Variants in MORF4L2 observed in about 807,000 individuals in gnomAD.
The protein encoded by MORF4L2 is mortality factor 4 like 2.
MORF4L2 carries 1 observed loss-of-function variant against 12.0 expected under a neutral mutation model. That is an observed-to-expected ratio of 0.08 (90% CI 0.03 to 0.40). MORF4L2 has a LOEUF of 0.40. MORF4L2 is among the 10% of genes least tolerant of loss of function. The pLI is 0.98. For missense variants in MORF4L2, 123 were observed against 214.0 expected, an observed-to-expected ratio of 0.57 and a Z score of 2.65; for synonymous variants, 69 against 81.6, an observed-to-expected ratio of 0.85 and a Z score of 0.83.
upstream of MORF4L2, chrX:103,686,932 G>A (rs762217101): frequency 1.4e-4 from 15 of 108,243 alleles, no homozygotes; most frequent in African/African-American, 5.1e-4. Flanking sequence ...CTCTTCCTCC[G>A]TTAGTACGAG....
At chrX:103,687,807 G>T (rs1443555452), upstream of MORF4L2, 1 of 110,836 alleles carries the variant, frequency 9.0e-6, no homozygotes, top group Non-Finnish European at 1.9e-5. Flanking sequence ...ACTCCAAAGG[G>T]AGGCTTCTTT....
At chrX:103,685,914 CAT>C (rs2147702806) in intron 1 of MORF4L2, among the ~76,000 whole-genome samples, 1 of 111,646 alleles carries the variant, frequency 9.0e-6, no homozygotes, top group East Asian at 2.8e-4. Flanking sequence ...AATTTGAAAA[CAT>C]AATCACAATA....
chrX:103,682,035 ATAAAATGTAACTT>A (rs1287987607), intron 2 of MORF4L2, among the ~76,000 whole-genome samples: 2 of 111,608 alleles, frequency 1.8e-5, no homozygotes, highest in Non-Finnish European at 3.8e-5. Flanking sequence ...GTACATTCAC[ATAAAATGTAACTT>A]TAAAGACTCA....
At chrX:103,685,916 T>C (rs1330106514) in intron 1 of MORF4L2, among the ~76,000 whole-genome samples, 1 of 111,602 alleles carries the variant, frequency 9.0e-6, no homozygotes, top group Non-Finnish European at 1.9e-5. Flanking sequence ...TTTGAAAACA[T>C]AATCACAATA....
intron 2 of MORF4L2, among the ~76,000 whole-genome samples, chrX:103,679,856 T>C (rs1258771776): frequency 4.2e-5 from 1 of 23,566 alleles, no homozygotes; most frequent in Non-Finnish European, 6.4e-5. Context: ...GTAGCACCTG[T>C]GGGCAAAAAA....
chrX:103,681,631 C>A (rs1403676274), intron 2 of MORF4L2, among the ~76,000 whole-genome samples: 1 of 111,958 alleles, frequency 8.9e-6, no homozygotes, highest in Non-Finnish European at 1.9e-5. Flanking sequence ...TCTCAATACA[C>A]TGCCAAATTA....
chrX:103,684,204 CA>C, intron 2 of MORF4L2, among the ~76,000 whole-genome samples: 1 of 111,787 alleles, frequency 8.9e-6, no homozygotes, highest in South Asian at 3.7e-4. Context: ...TTTAAATGCA[CA>C]TATACCATAT....
intron 2 of MORF4L2, among the ~76,000 whole-genome samples, chrX:103,683,140 G>A (rs5987561): frequency 0.29 from 31,003 of 108,243 alleles, 3,485 homozygotes; most frequent in South Asian, 0.54. Context: ...GTGCAGTGGC[G>A]CGATCTTGGC....
Position 103,677,200 on chromosome X carries a change from A to G in MORF4L2, c.-24-149T>C. ...CAGGACCCTTTATAAGTGATTTTTT[A>G]TTTTTTTACCTCCTTTCCCTCTCTC... is the stretch of plus-strand genomic sequence containing the variant. On this transcript the variant is annotated intron_variant, in intron 3 of 3. Coordinates refer to ENST00000441076, the MANE Select transcript of MORF4L2 (RefSeq NM_012286.3). 7.6e-6 allele frequency: 3 copies of G among 396,706 alleles called. No homozygotes were observed. The South Asian group carries it at 2.8e-4, about 37-fold the overall frequency. The allele number at this position is 396,706 out of a possible 1,213,427, so 32.7% of individuals were successfully genotyped here. A position where few individuals can be genotyped will look rare whatever the true frequency, so the allele number is the denominator to read the frequency against.
intron 2 of MORF4L2, chrX:103,684,854 G>A (rs1180236163): frequency 2.7e-5 from 3 of 112,420 alleles, no homozygotes; most frequent in Non-Finnish European, 5.6e-5. Flanking sequence ...AATTCAGGAA[G>A]TATTTGCTCT....
intron 2 of MORF4L2, among the ~76,000 whole-genome samples, chrX:103,681,369 T>A (rs893251748): frequency 8.9e-6 from 1 of 111,897 alleles, no homozygotes; most frequent in African/African-American, 3.3e-5. Flanking sequence ...TTTACTATGA[T>A]AACCAATAAT....
intron 3 of MORF4L2, among the ~76,000 whole-genome samples, chrX:103,678,118 A>T (rs1459655726): frequency 9.0e-6 from 1 of 110,657 alleles, no homozygotes. Flanking sequence ...CAAAAAAAAA[A>T]AAATAAAGCT....
rs1192785441 is a variant in MORF4L2, at chrX:103,676,209, G to C, written c.819C>G (p.Ala273=). 3.3e-6 allele frequency: 4 copies of C among 1,210,062 alleles called. No homozygotes were observed. The highest frequency in any genetic ancestry group is 4.5e-6 in the Non-Finnish European group (4 of 894,327). ...CAGCAGAAGCCACTTTGTAATCACTGGCAGTAAAGAGAGATGCAGAATTCT... is the reference window on the plus strand; with the variant it reads ...CAGCAGAAGCCACTTTGTAATCACTCGCAGTAAAGAGAGATGCAGAATTCT... The part of the protein sequence containing the change: ...LAKNSASLFT[A]SDYKVASAEY... Residue 273 remains alanine (A), a synonymous_variant, in exon 4 of 4, where the codon GCC becomes GCG. Transcript: ENST00000441076.
At chrX:103,679,860 C>CAAAAAAAAAAAAAAAAA in intron 2 of MORF4L2, among the ~76,000 whole-genome samples, 1 of 47,735 alleles carries the variant, frequency 2.1e-5, no homozygotes, top group Non-Finnish European at 3.5e-5. Flanking sequence ...CACCTGTGGG[C>CAAAAAAAAAAAAAAAAA]AAAAAAAAAA....
At chrX:103,687,234 G>C (rs745746055), upstream of MORF4L2, 2 of 110,911 alleles carry the variant, frequency 1.8e-5, no homozygotes, top group African/African-American at 6.6e-5. Context: ...CGCGAGTGGG[G>C]AAGCGCGAGG....
Position 103,676,599 on chromosome X carries a change from C to T in MORF4L2, c.429G>A (p.Gln143=). Residue 143 remains glutamine (Q), a synonymous_variant, in exon 4 of 4, where the codon CAG becomes CAA. Transcript: ENST00000441076. ...LVEDWDLVTR[Q]KQLFQLPAKK... is the part of the protein sequence containing the mutation. ...TGGCAGGGAGTTGAAACAGCTGCTT[C>T]TGCCTGGTAACTAAGTCCCAGTCCT... The T allele has an allele frequency of 8.3e-7, 1 of 1,211,052 alleles. No individual in the cohort carries two copies. The highest frequency in any genetic ancestry group is 3.0e-5 in the East Asian group (1 of 33,808).
At chrX:103,681,791 T>C (rs953021998) in intron 2 of MORF4L2, among the ~76,000 whole-genome samples, 1 of 112,070 alleles carries the variant, frequency 8.9e-6, no homozygotes, top group East Asian at 2.8e-4. Context: ...ACAAATACTT[T>C]GATAGATTTC....
At position 103,686,669 on chromosome X, in the gene MORF4L2, T is replaced by C. The variant is rs1421088443; in HGVS notation, c.-306A>G. ...CCAGATCTTCCCAGCAGCCGACGTG[T>C]GATCACTGCCGTTCCTCCAACCGCC... is the stretch of plus-strand genomic sequence containing the variant. On this transcript the variant is annotated 5_prime_UTR_variant, in exon 1 of 4. Transcript: ENST00000441076. 2.0e-5 allele frequency: 2 copies of C among 101,558 alleles called. No individual in the cohort carries two copies. Among genetic ancestry groups the C allele is most frequent in the Admixed American group, 1.1e-4 (1 of 9,037 alleles). 8.4% of individuals were successfully genotyped at this position (101,558 alleles called of 1,213,427 possible).
intron 2 of MORF4L2, among the ~76,000 whole-genome samples, chrX:103,678,894 T>A (rs182816332): frequency 8.9e-6 from 1 of 111,947 alleles, no homozygotes; most frequent in African/African-American, 3.2e-5. Flanking sequence ...AAATTACCTA[T>A]AGCCTTCACA....
Sources: allele counts gnomAD v4.1 joint callset (sites outside exome capture counted in the v4.1 genomes callset), GRCh38; gene constraint gnomAD v4.1.1; transcripts MANE v1.5; gene names NCBI Gene and HGNC (gene_info 2026-07-23, HGNC 2026-07-21).